USP47: variants seen among roughly 807,000 people sequenced by gnomAD.
The protein encoded by USP47 is ubiquitin specific peptidase 47, also known as ubiquitin carboxyl-terminal hydrolase 47.
A neutral mutation model predicts 165.1 loss-of-function variants in USP47; 35 were observed. The observed-to-expected ratio is 0.21, with a 90% CI of 0.16 to 0.28. The LOEUF is 0.28. Among genes scored for constraint, USP47 ranks in the 10% least tolerant of loss-of-function variants. The pLI, the probability that USP47 is intolerant of heterozygous loss-of-function variation, is 1.00. For missense variants in USP47, 1,277 were observed against 1,607.4 expected, an observed-to-expected ratio of 0.79 and a Z score of 3.52; for synonymous variants, 531 against 544.5, an observed-to-expected ratio of 0.98 and a Z score of 0.35.
At chr11:11,880,788 A>G (rs1850775226) in intron 2 of USP47, among the ~76,000 whole-genome samples, 3 of 152,178 alleles carry the variant, frequency 2.0e-5, no homozygotes, top group Admixed American at 2.0e-4. Flanking sequence ...ATGGAAGCAT[A>G]TATGCCTCAT....
chr11:11,902,576 A>G (rs1852298438), intron 5 of USP47, 139 bp from the exon 6 acceptor site: 3 of 543,736 alleles, frequency 5.5e-6, no homozygotes, highest in South Asian at 1.4e-4. Flanking sequence ...TTCATTAGAT[A>G]TTATTAGTTT....
At chr11:11,903,834 A>G (rs1356699574) in intron 7 of USP47, among the ~76,000 whole-genome samples, 1 of 152,160 alleles carries the variant, frequency 6.6e-6, no homozygotes, top group Non-Finnish European at 1.5e-5. Flanking sequence ...AGAAGTGGAA[A>G]GAACATTAGA....
At chr11:11,889,818 A>G (rs546682659) in intron 3 of USP47, among the ~76,000 whole-genome samples, 16 of 152,328 alleles carry the variant, frequency 1.1e-4, no homozygotes, top group Admixed American at 2.0e-4. Context: ...CTGCAAGGCT[A>G]CAGTAATCAA....
At chr11:11,924,591 TC>T (rs1412697816) in intron 11 of USP47, among the ~76,000 whole-genome samples, 1 of 152,228 alleles carries the variant, frequency 6.6e-6, no homozygotes, top group Non-Finnish European at 1.5e-5. Flanking sequence ...CCTGGTGCTT[TC>T]TTTTTTAGAA....
At position 11,961,304 on chromosome 11, in the gene USP47, T is replaced by G. The variant is rs1298397063; in HGVS notation, c.*5129T>G. On this transcript the variant is annotated 3_prime_UTR_variant, in exon 28 of 28. Transcript: ENST00000527733. ...GCAAAAGAGATTTTGCAGATGCAAT[T>G]AAGGTTAAGGACCTTGACGTGGGAA... Among the ~76,000 whole-genome samples the G allele has an allele frequency of 6.6e-6, 1 of 152,204 alleles. No individual in the cohort carries two copies. The highest frequency in any genetic ancestry group is 2.4e-5 in the African/African-American group (1 of 41,454).
intron 11 of USP47, among the ~76,000 whole-genome samples, chr11:11,924,889 T>C (rs138875016): frequency 9.3e-4 from 141 of 152,276 alleles, no homozygotes; most frequent in African/African-American, 3.2e-3. Flanking sequence ...ACCAATTGTA[T>C]TGGGGTTTTT....
At chr11:11,873,887 G>A (rs1225558852) in intron 1 of USP47, 5 of 1,349,654 alleles carry the variant, frequency 3.7e-6, no homozygotes, top group East Asian at 2.7e-5. Context: ...TTGCTTTAAT[G>A]TGATAATCAG....
At position 11,950,411 on chromosome 11, in the gene USP47, T is replaced by C. The variant is rs377420921; in HGVS notation, c.3512T>C (p.Leu1171Ser). The C allele has an allele frequency of 4.1e-5, 66 of 1,608,454 alleles. 1 individual carries two copies. The highest frequency in any genetic ancestry group is 5.1e-6 in the Non-Finnish European group (6 of 1,178,276). ...KTWKNPGTVF[L>S]DYHIYEEDIN... ...TGGAAGAATCCTGGCACTGTCTTTT[T>C]GGATTATCATATTTATGAAGAAGAT... The change falls in exon 24 of 28, where the codon TTG (leucine) becomes TCG (serine). Residue 1171 changes from leucine to serine, a missense_variant. Around this residue, in one of 4 missense-constraint regions of USP47, gnomAD observed 909 missense variants for 1,068.1 expected, o/e 0.85. Transcript: ENST00000527733.
At chr11:11,915,372 A>C (rs1853336872) in intron 8 of USP47, among the ~76,000 whole-genome samples, 1 of 152,154 alleles carries the variant, frequency 6.6e-6, no homozygotes, top group South Asian at 2.1e-4. Context: ...GGTTGTGGCT[A>C]TAAGAGGGTG....
chr11:11,873,637 A>G (rs1344093909), intron 1 of USP47, among the ~76,000 whole-genome samples: 16 of 152,086 alleles, frequency 1.1e-4, no homozygotes, highest in Admixed American at 1.0e-3. Flanking sequence ...ATTTTTAGTA[A>G]CTTTGCACAT....
At chr11:11,906,077 T>A (rs1466384113) in intron 8 of USP47, among the ~76,000 whole-genome samples, 3 of 152,146 alleles carry the variant, frequency 2.0e-5, no homozygotes, top group African/African-American at 4.8e-5. Flanking sequence ...GTAATCACCT[T>A]AATTATTCAT....
intron 1 of USP47, among the ~76,000 whole-genome samples, chr11:11,863,344 T>C (rs1219099537): frequency 3.9e-5 from 6 of 152,288 alleles, no homozygotes; most frequent in African/African-American, 1.4e-4. Context: ...GCTAAAAAAT[T>C]ATAACTTGAT....
Position 11,948,064 on chromosome 11 carries a change from G to C in USP47, c.3211G>C (p.Glu1071Gln). The C allele has an allele frequency of 6.2e-7, 1 of 1,613,612 alleles. No homozygotes were observed. Among genetic ancestry groups the C allele is most frequent in the Non-Finnish European group, 8.5e-7 (1 of 1,179,780 alleles). ...CTTTCGAGTGTATGCCAGCAATCAA[G>C]AGTTTGAGAGCGTCCGGCTGAATGA... ...KVFRVYASNQ[E>Q]FESVRLNETL... Residue 1071 changes from glutamate to glutamine, a missense_variant, in exon 21 of 28, where the codon GAG becomes CAG. Around this residue, in one of 4 missense-constraint regions of USP47, gnomAD observed 909 missense variants for 1,068.1 expected, o/e 0.85. Transcript: ENST00000527733.
At chr11:11,846,135 A>G (rs1054459676) in intron 1 of USP47, among the ~76,000 whole-genome samples, 40 of 151,976 alleles carry the variant, frequency 2.6e-4, no homozygotes, top group African/African-American at 9.2e-4. Flanking sequence ...AGAGCTTTTC[A>G]CCCGTTTCAT....
chr11:11,906,900 A>G (rs951561969), intron 8 of USP47, among the ~76,000 whole-genome samples: 4 of 152,298 alleles, frequency 2.6e-5, no homozygotes, highest in Admixed American at 2.6e-4. Context: ...GACAAAATAT[A>G]CTAGGGAAAT....
At chr11:11,868,572 C>T (rs887961423) in intron 1 of USP47, among the ~76,000 whole-genome samples, 4 of 152,054 alleles carry the variant, frequency 2.6e-5, no homozygotes, top group African/African-American at 4.8e-5. Context: ...CAGTTTTGGG[C>T]TGTTGTAAGT....
Position 11,866,599 on chromosome 11 carries a change from A to G in USP47, c.40-13578A>G, listed in dbSNP as rs539038049. Among the ~76,000 whole-genome samples the G allele has an allele frequency of 7.2e-5, 11 of 152,326 alleles. No homozygotes were observed. In the East Asian group the frequency reaches 9.6e-4, roughly 13 times the overall value. On this transcript the variant is annotated intron_variant, in intron 1 of 27. Transcript: ENST00000527733. ...TGTCATCAGTCTAGGTGGCTAGGTC[A>G]GGATTCATCACCTTCCTTCTGGGGT...
At chr11:11,879,115 A>C (rs1344500790) in intron 1 of USP47, among the ~76,000 whole-genome samples, 3 of 152,166 alleles carry the variant, frequency 2.0e-5, no homozygotes, top group African/African-American at 7.2e-5. Context: ...CAGAAATACT[A>C]TTCGGGGTTG....
rs781019127 is a variant in USP47, at chr11:11,922,871, T to G, written c.1366T>G (p.Ser456Ala). The G allele has an allele frequency of 1.1e-5, 17 of 1,609,534 alleles. No individual in the cohort carries two copies. The highest frequency in any genetic ancestry group is 1.4e-5 in the Non-Finnish European group (16 of 1,177,454). The change falls in exon 11 of 28, where the codon TCA becomes GCA. Residue 456 changes from serine (S) to alanine (A), a missense_variant. By Grantham distance (99) the Ser-to-Ala change is moderately conservative (BLOSUM62 1). Around this residue, in one of 4 missense-constraint regions of USP47, gnomAD observed 909 missense variants for 1,068.1 expected, o/e 0.85. Coordinates refer to ENST00000527733, the MANE Select transcript of USP47 (RefSeq NM_001282659.2). ...LETNSGTEKISKSGLEKNSLI... is the reference protein window; with the variant it reads ...LETNSGTEKIAKSGLEKNSLI... The stretch of plus-strand genomic sequence containing the variant: ...AACCAATAGTGGAACTGAAAAGATC[T>G]CAAAATCTGGACTTGAAAAGGTACC...
Sources: allele counts gnomAD v4.1 joint callset (sites outside exome capture counted in the v4.1 genomes callset), GRCh38; gene constraint gnomAD v4.1.1; regional missense constraint gnomAD v4.1.1; transcripts MANE v1.5; gene names NCBI Gene and HGNC (gene_info 2026-07-23, HGNC 2026-07-21).